The following DNAH17 variants were observed in gnomAD, a reference collection of about 807,000 sequenced individuals.
DNAH17 encodes axonemal beta dynein heavy chain 17.
DNAH17 carries 376 observed loss-of-function variants against 485.6 expected under a neutral mutation model. That is an observed-to-expected ratio of 0.77 (90% CI 0.71 to 0.84). The LOEUF (loss-of-function observed/expected upper bound fraction) is 0.84. DNAH17 is among the 40% of genes least tolerant of loss of function. The pLI is 0.00. For synonymous variants in DNAH17, 3,031 were observed against 2,405.9 expected (o/e 1.26, Z -7.60); for missense variants, 6,370 against 5,839.3 (o/e 1.09, Z -2.96).
At chr17:78,435,571 C>T (rs2086827769) in intron 74 of DNAH17, among the ~76,000 whole-genome samples, 1 of 152,206 alleles carries the variant, frequency 6.6e-6, no homozygotes, top group Non-Finnish European at 1.5e-5. Flanking sequence ...CAGTCCCTGC[C>T]TCAGTGCCCC....
Position 78,561,832 on chromosome 17 carries a change from C to G in DNAH17, c.1718G>C (p.Gly573Ala). The change falls in exon 12 of 81, where the codon GGG becomes GCG. Residue 573 changes from glycine (G) to alanine (A), a missense_variant. Gly to Ala is a moderately conservative substitution (Grantham distance 60). Transcript: ENST00000389840. ...YDAQMAASEE[G>A]NIPLIHKNMP... ...GTTTTTGTGGATCAGGGGGATGTTC[C>G]CCTCCTCGGAGGCCGCCATCTGGGC... The G allele has an allele frequency of 1.2e-6, 2 of 1,613,908 alleles. No homozygotes were observed. Among genetic ancestry groups the G allele is most frequent in the Non-Finnish European group, 1.7e-6 (2 of 1,179,860 alleles).
intron 17 of DNAH17, among the ~76,000 whole-genome samples, chr17:78,541,354 G>A (rs950563892): frequency 6.9e-5 from 10 of 145,804 alleles, no homozygotes. Flanking sequence ...GTGGACAGAT[G>A]AATGTGGTGG....
At chr17:78,520,846 G>T (rs187381878) in intron 25 of DNAH17, among the ~76,000 whole-genome samples, 1 of 152,170 alleles carries the variant, frequency 6.6e-6, no homozygotes, top group Admixed American at 6.5e-5. Context: ...CCCCAATAAG[G>T]TTTTATTTTT....
At chr17:78,540,152 C>T (rs1208830507) in intron 17 of DNAH17, among the ~76,000 whole-genome samples, 1 of 151,938 alleles carries the variant, frequency 6.6e-6, no homozygotes, top group Non-Finnish European at 1.5e-5. Context: ...AGTTGGGTTT[C>T]CTCTAGCAAA....
chr17:78,510,317 A>C, intron 27 of DNAH17, 67 bp downstream of exon 27: 1 of 1,586,684 alleles, frequency 6.3e-7, no homozygotes, highest in South Asian at 1.1e-5. Flanking sequence ...GGGCGCTCTC[A>C]GTGGTTGGAG....
At chr17:78,464,346 G>A (rs1013429183) in intron 56 of DNAH17, among the ~76,000 whole-genome samples, 14 of 152,120 alleles carry the variant, frequency 9.2e-5, no homozygotes, top group Non-Finnish European at 1.6e-4. Context: ...TGAAACTTCC[G>A]CCTCCCGGGT....
intron 26 of DNAH17, chr17:78,510,754 C>CCCCA (rs3031637): frequency 0.21 from 83,242 of 404,436 alleles, 9,450 homozygotes; most frequent in East Asian, 0.35. Context: ...AATTGCGGCC[C>CCCCA]CCCCGCAAAA....
rs1259180936 is a variant in DNAH17 at position 78,567,172 on chromosome 17, G to A, written c.1285-6C>T. Reference sequence around the variant, plus strand: ...ATTGCTGTTTTATAGAGTTCCTAGTGGAGGAGAAAAACACAGTCAATTCAT... The same window carrying A: ...ATTGCTGTTTTATAGAGTTCCTAGTAGAGGAGAAAAACACAGTCAATTCAT... On this transcript the variant is annotated splice_region_variant and splice_polypyrimidine_tract_variant and intron_variant, in intron 9 of 80. Coordinates refer to ENST00000389840, the MANE Select transcript of DNAH17 (RefSeq NM_173628.4). 1 of 1,590,242 alleles carries A rather than the reference G, an allele frequency of 6.3e-7. No homozygotes were observed. The highest frequency in any genetic ancestry group is 8.6e-7 in the Non-Finnish European group (1 of 1,168,242).
chr17:78,443,459 G>C (rs1022844925), intron 71 of DNAH17, among the ~76,000 whole-genome samples: 1 of 152,114 alleles, frequency 6.6e-6, no homozygotes, highest in Non-Finnish European at 1.5e-5. Flanking sequence ...ACCACTCCCG[G>C]TCCCTGTCCT....
chr17:78,530,543 T>C (rs2091204420), intron 20 of DNAH17, 31 bp from the exon 21 acceptor site: 2 of 1,583,274 alleles, frequency 1.3e-6, no homozygotes, highest in Non-Finnish European at 1.7e-6. Flanking sequence ...CGGCCTGTCA[T>C]AGCCTGCAAG....
chr17:78,488,590 G>A (rs945578785), intron 44 of DNAH17, among the ~76,000 whole-genome samples: 6 of 152,120 alleles, frequency 3.9e-5, no homozygotes, highest in Non-Finnish European at 1.5e-5. Flanking sequence ...CCCGGACATT[G>A]TCTTTGCCTA....
Position 78,537,490 on chromosome 17 carries a change from G to C in DNAH17, c.2677-9C>G, listed in dbSNP as rs768513717. On this transcript the variant is annotated splice_polypyrimidine_tract_variant and intron_variant, in intron 18 of 80. Coordinates refer to ENST00000389840, the MANE Select transcript of DNAH17 (RefSeq NM_173628.4). ...AGGGGAGCGATACTCTCCTGAAAGA[G>C]GGGTGGGGTTGGCAGTGGTCAACAC... is the stretch of plus-strand genomic sequence containing the variant. 2 of 1,612,746 alleles carry C rather than the reference G, an allele frequency of 1.2e-6. No homozygotes were observed. The highest frequency in any genetic ancestry group is 1.1e-5 in the South Asian group (1 of 90,918).
intron 60 of DNAH17, 100 bp from the exon 61 acceptor site, chr17:78,459,308 G>A: frequency 8.7e-7 from 1 of 1,144,528 alleles, no homozygotes; most frequent in Non-Finnish European, 1.3e-6. Flanking sequence ...CACAGCTCTG[G>A]AGGGGCAGCG....
At chr17:78,466,594 C>G (rs2088470230) in intron 56 of DNAH17, 61 bp downstream of exon 56, 2 of 1,490,754 alleles carry the variant, frequency 1.3e-6, no homozygotes, top group South Asian at 2.7e-5. Context: ...GGAGCCAGCC[C>G]TTGGGCCTGT....
intron 48 of DNAH17, among the ~76,000 whole-genome samples, chr17:78,483,953 C>T (rs892366187): frequency 2.0e-5 from 3 of 151,504 alleles, no homozygotes; most frequent in Admixed American, 1.3e-4. Flanking sequence ...AAAAATTAGC[C>T]GGCGTGGTGG....
At chr17:78,554,004 A>T (rs2091966041) in intron 14 of DNAH17, among the ~76,000 whole-genome samples, 1 of 152,132 alleles carries the variant, frequency 6.6e-6, no homozygotes, top group African/African-American at 2.4e-5. Context: ...TATGTTGCCC[A>T]GGCTGGTCTC....
intron 19 of DNAH17, among the ~76,000 whole-genome samples, chr17:78,534,952 C>T (rs1228234923): frequency 6.6e-6 from 1 of 152,190 alleles, no homozygotes; most frequent in Non-Finnish European, 1.5e-5. Context: ...TGGGAAGTGG[C>T]CCTGGGACCC....
At chr17:78,427,590 T>C (rs1277054003) in intron 77 of DNAH17, among the ~76,000 whole-genome samples, 2 of 152,174 alleles carry the variant, frequency 1.3e-5, no homozygotes, top group Admixed American at 6.5e-5. Context: ...CTGGACCTAA[T>C]AGGAATAAGG....
At chr17:78,478,963 G>A in intron 51 of DNAH17, 62 bp downstream of exon 51, 2 of 1,407,792 alleles carry the variant, frequency 1.4e-6, no homozygotes, top group South Asian at 1.2e-5. Flanking sequence ...GATGAGGAAA[G>A]CACCTGTGGA....
Sources: allele counts gnomAD v4.1 joint callset (sites outside exome capture counted in the v4.1 genomes callset), GRCh38; gene constraint gnomAD v4.1.1; transcripts MANE v1.5; gene names NCBI Gene and HGNC (gene_info 2026-07-23, HGNC 2026-07-21).